ROBO2: variants seen among roughly 807,000 people sequenced by gnomAD.
ROBO2 encodes roundabout homolog 2.
Under a neutral mutation model 160.8 loss-of-function variants are expected in ROBO2, and 53 were observed. That is an observed-to-expected ratio of 0.33 (90% CI 0.26 to 0.41). The LOEUF (loss-of-function observed/expected upper bound fraction) is 0.41. Among genes scored for constraint, ROBO2 ranks in the 10% least tolerant of loss-of-function variants. The pLI is 1.00. For synonymous variants in ROBO2, 664 were observed against 611.7 expected, an observed-to-expected ratio of 1.09 and a Z score of -1.26; for missense variants, 1,577 against 1,722.4, an observed-to-expected ratio of 0.92 and a Z score of 1.49.
intron 24 of ROBO2, among the ~76,000 whole-genome samples, chr3:77,639,044 A>C (rs1403350717): frequency 6.6e-6 from 1 of 151,774 alleles, no homozygotes; most frequent in African/African-American, 2.4e-5. Context: ...GGGCCAGGCT[A>C]GTCTTGAACT....
chr3:76,317,813 G>A lies in ROBO2; in HGVS notation c.109+380211G>A, dbSNP rs529295059. On this transcript the variant is annotated intron_variant, in intron 2 of 26. Transcript: ENST00000487694. The stretch of plus-strand genomic sequence containing the variant: ...GTAAAACTTACTCATATTGTTTCAT[G>A]TTATTTGGGAAATAGCATTTAATAA... 2.6e-5 allele frequency among the ~76,000 whole-genome samples: 4 copies of A among 151,990 alleles called. No individual in the cohort carries two copies. The East Asian group carries it at 7.7e-4, about 29-fold the overall frequency.
intron 2 of ROBO2, among the ~76,000 whole-genome samples, chr3:76,668,684 G>C (rs1295032735): frequency 6.6e-6 from 1 of 151,918 alleles, no homozygotes; most frequent in Non-Finnish European, 1.5e-5. Flanking sequence ...CCCACAATTA[G>C]GATGTGTTTT....
At chr3:76,091,240 A>C (rs542383180) in intron 2 of ROBO2, among the ~76,000 whole-genome samples, 73 of 152,312 alleles carry the variant, frequency 4.8e-4, no homozygotes, top group African/African-American at 1.8e-3. Flanking sequence ...AAAACTCAAC[A>C]ATAAATAACT....
chr3:77,044,198 G>A lies in ROBO2; in HGVS notation c.61+3352G>A, dbSNP rs541636655. On this transcript the variant is annotated intron_variant, in intron 1 of 25. Transcript: ENST00000461745. ...AAAAAGTAATGATTATATAAAAAGAGCAGTTCTGGCCATCTCATCCCTGAG... is the reference window on the plus strand; with the variant it reads ...AAAAAGTAATGATTATATAAAAAGAACAGTTCTGGCCATCTCATCCCTGAG... 5.7e-4 allele frequency among the ~76,000 whole-genome samples: 86 copies of A among 151,996 alleles called. No homozygotes were observed. The South Asian group carries it at 0.017, about 31-fold the overall frequency.
intron 2 of ROBO2, among the ~76,000 whole-genome samples, chr3:76,405,656 T>C (rs140825756): frequency 2.7e-3 from 404 of 151,820 alleles, no homozygotes; most frequent in Admixed American, 4.9e-3. Context: ...TGTGAAGGTT[T>C]GGAGAGCATA....
intron 2 of ROBO2, among the ~76,000 whole-genome samples, chr3:76,471,885 C>G (rs945247690): frequency 6.6e-6 from 1 of 152,094 alleles, no homozygotes; most frequent in Non-Finnish European, 1.5e-5. Flanking sequence ...CCCATCAGAT[C>G]TCATGAGAAC....
At chr3:76,717,459 C>T (rs2093398292) in intron 2 of ROBO2, among the ~76,000 whole-genome samples, 1 of 150,210 alleles carries the variant, frequency 6.7e-6, no homozygotes, top group Non-Finnish European at 1.5e-5. Context: ...CCACTGCACT[C>T]CACCCTGGGC....
chr3:76,230,080 A>AAAT (rs1704528168), intron 2 of ROBO2, among the ~76,000 whole-genome samples: 1 of 152,134 alleles, frequency 6.6e-6, no homozygotes, highest in African/African-American at 2.4e-5. Flanking sequence ...AAGAGCAAAA[A>AAAT]AATGATGCCA....
intron 1 of ROBO2, among the ~76,000 whole-genome samples, chr3:77,046,694 C>A (rs929823281): frequency 1.3e-5 from 2 of 152,124 alleles, no homozygotes; most frequent in African/African-American, 4.8e-5. Context: ...GATTCTTAGC[C>A]CTGGAACTCC....
intron 2 of ROBO2, among the ~76,000 whole-genome samples, chr3:77,226,929 G>A (rs2086571627): frequency 6.6e-6 from 1 of 152,182 alleles, no homozygotes. Context: ...GTCGGTGACT[G>A]TGCTCGGTTA....
chr3:77,517,473 AC>A (rs1238306849), intron 5 of ROBO2, among the ~76,000 whole-genome samples: 1 of 151,606 alleles, frequency 6.6e-6, no homozygotes, highest in Non-Finnish European at 1.5e-5. Flanking sequence ...ATTCTGAGTG[AC>A]CAAATGAGAA....
intron 2 of ROBO2, among the ~76,000 whole-genome samples, chr3:76,820,023 T>C (rs2065981198): frequency 6.6e-6 from 1 of 152,074 alleles, no homozygotes; most frequent in South Asian, 2.1e-4. Context: ...AACAAAATGC[T>C]CCACCAGGTA....
intron 2 of ROBO2, among the ~76,000 whole-genome samples, chr3:77,274,099 C>T (rs574458187): frequency 6.6e-6 from 1 of 152,090 alleles, no homozygotes; most frequent in African/African-American, 2.4e-5. Context: ...CCTGTAGTTA[C>T]TAGGTATTTG....
chr3:76,141,430 C>T (rs962665163), intron 2 of ROBO2, among the ~76,000 whole-genome samples: 9 of 150,128 alleles, frequency 6.0e-5, no homozygotes, highest in Admixed American at 6.7e-5. Context: ...GATGTACCCA[C>T]CGAATATAAT....
intron 2 of ROBO2, among the ~76,000 whole-genome samples, chr3:76,286,127 T>A (rs1516481): frequency 0.11 from 16,444 of 152,210 alleles, 1,831 homozygotes; most frequent in East Asian, 0.43. Context: ...ATATGTGAAT[T>A]AATGAACAGA....
chr3:77,610,804 G>T (rs1172372183), intron 21 of ROBO2, among the ~76,000 whole-genome samples: 1 of 127,274 alleles, frequency 7.9e-6, no homozygotes, highest in African/African-American at 2.9e-5. Context: ...CGAGAAAACA[G>T]GAAATAGCAG....
chr3:76,749,094 TATG>T (rs2093938384), intron 2 of ROBO2, among the ~76,000 whole-genome samples: 1 of 151,886 alleles, frequency 6.6e-6, no homozygotes, highest in Non-Finnish European at 1.5e-5. Flanking sequence ...AAATGTATAG[TATG>T]ATTCATTTTT....
intron 2 of ROBO2, among the ~76,000 whole-genome samples, chr3:76,404,696 A>G (rs114305243): frequency 0.018 from 2,724 of 151,674 alleles, 36 homozygotes; most frequent in Non-Finnish European, 0.028. Context: ...AGATAAAGAA[A>G]TGCAGGCGTG....
intron 2 of ROBO2, among the ~76,000 whole-genome samples, chr3:76,924,126 C>G (rs552637175): frequency 3.3e-5 from 5 of 152,132 alleles, no homozygotes; most frequent in Non-Finnish European, 7.4e-5. Flanking sequence ...AGGTTTTTAT[C>G]ACATCAACTA....
Sources: allele counts gnomAD v4.1 joint callset (sites outside exome capture counted in the v4.1 genomes callset), GRCh38; gene constraint gnomAD v4.1.1; transcripts MANE v1.5; gene names NCBI Gene and HGNC (gene_info 2026-07-23, HGNC 2026-07-21).